The following DRC11 variants were observed in gnomAD, a reference collection of about 807,000 sequenced individuals.
DRC11 encodes the protein IQ and AAA domain-containing protein 1.
the DRC11 span, among the ~76,000 whole-genome samples, chr2:236,484,992 T>G: frequency 6.6e-6 from 1 of 152,316 alleles, no homozygotes; most frequent in South Asian, 2.1e-4. Context: ...CCTAATTCCA[T>G]GCATGCTCTC....
the DRC11 span, among the ~76,000 whole-genome samples, chr2:236,464,747 C>A: frequency 2.0e-4 from 30 of 152,016 alleles, no homozygotes; most frequent in Admixed American, 9.8e-4. Flanking sequence ...GGGGGTGGAT[C>A]CCTCATGGCC....
chr2:236,307,111 C>G, the DRC11 span, among the ~76,000 whole-genome samples: 1 of 152,268 alleles, frequency 6.6e-6, no homozygotes, highest in African/African-American at 2.4e-5. The surrounding 1 kb of genome is among the most constrained non-coding windows in gnomAD (Gnocchi z 7.0). Flanking sequence ...GTGAGTCCTT[C>G]TATACCGTGC....
the DRC11 span, among the ~76,000 whole-genome samples, chr2:236,313,199 T>C: frequency 1.2e-4 from 19 of 152,090 alleles, no homozygotes; most frequent in African/African-American, 3.4e-4. This position sits in a 1 kb window ranked among gnomAD's most constrained non-coding sequence, Gnocchi z 4.5. Flanking sequence ...AACAAAGATA[T>C]TACAAGAGAA....
At chr2:236,429,992 T>C in the DRC11 span, among the ~76,000 whole-genome samples, 2 of 151,990 alleles carry the variant, frequency 1.3e-5, no homozygotes, top group African/African-American at 4.8e-5. This position sits in a 1 kb window ranked among gnomAD's most constrained non-coding sequence, Gnocchi z 5.9. Context: ...AAGCTGCAGG[T>C]GGTTGTGTGG....
At chr2:236,456,477 G>C in the DRC11 span, among the ~76,000 whole-genome samples, 1 of 152,164 alleles carries the variant, frequency 6.6e-6, no homozygotes, top group Admixed American at 6.5e-5. The surrounding 1 kb of genome is among the most constrained non-coding windows in gnomAD (Gnocchi z 5.4). Flanking sequence ...ACTGAAAGTG[G>C]TGGCTGGTCT....
the DRC11 span, among the ~76,000 whole-genome samples, chr2:236,363,604 A>C: frequency 6.6e-6 from 1 of 152,164 alleles, no homozygotes; most frequent in Non-Finnish European, 1.5e-5. This position sits in a 1 kb window ranked among gnomAD's most constrained non-coding sequence, Gnocchi z 5.6. Flanking sequence ...GAAAGAAAAA[A>C]GTTGTTTCTA....
the DRC11 span, among the ~76,000 whole-genome samples, chr2:236,435,071 A>C: frequency 2.0e-5 from 3 of 152,196 alleles, no homozygotes; most frequent in African/African-American, 7.2e-5. Context: ...CTGATGGAGA[A>C]GTGAAGAAAG....
At chr2:236,358,005 T>G in the DRC11 span, among the ~76,000 whole-genome samples, 1 of 112,602 alleles carries the variant, frequency 8.9e-6, no homozygotes. Context: ...TGAATATATA[T>G]TTATAATATA....
At chr2:236,432,691 C>G in the DRC11 span, among the ~76,000 whole-genome samples, 1 of 152,112 alleles carries the variant, frequency 6.6e-6, no homozygotes, top group Admixed American at 6.6e-5. Context: ...ACAAATAATT[C>G]TCTCAGGGTG....
At chr2:236,401,693 C>T in the DRC11 span, among the ~76,000 whole-genome samples, 2 of 148,262 alleles carry the variant, frequency 1.3e-5, no homozygotes, top group African/African-American at 2.5e-5. The surrounding 1 kb of genome is among the most constrained non-coding windows in gnomAD (Gnocchi z 4.6). Flanking sequence ...TGTATGATCC[C>T]GTTTATATGA....
chr2:236,327,840 G>A, the DRC11 span, among the ~76,000 whole-genome samples: 5 of 151,802 alleles, frequency 3.3e-5, no homozygotes, highest in African/African-American at 7.3e-5. Flanking sequence ...GTGCCACCAC[G>A]TCCAGCTAAT....
the DRC11 span, among the ~76,000 whole-genome samples, chr2:236,402,605 C>T: frequency 9.2e-5 from 14 of 152,208 alleles, no homozygotes; most frequent in Admixed American, 8.5e-4. This position sits in a 1 kb window ranked among gnomAD's most constrained non-coding sequence, Gnocchi z 6.0. Context: ...GGGGGAGCTG[C>T]AGCCAGCGGG....
the DRC11 span, chr2:236,369,003 T>C: frequency 6.6e-6 from 1 of 152,256 alleles, no homozygotes; most frequent in Admixed American, 6.5e-5. The surrounding 1 kb of genome is among the most constrained non-coding windows in gnomAD (Gnocchi z 4.5). Flanking sequence ...GAAAATTAGT[T>C]TGGCTGTCTC....
the DRC11 span, among the ~76,000 whole-genome samples, chr2:236,402,360 C>T: frequency 0.22 from 34,166 of 152,208 alleles, 4,145 homozygotes; most frequent in Middle Eastern, 0.3. The surrounding 1 kb of genome is among the most constrained non-coding windows in gnomAD (Gnocchi z 6.0). Flanking sequence ...GAATCCACCA[C>T]GTCTTTTTTC....
At chr2:236,359,101 G>A in the DRC11 span, among the ~76,000 whole-genome samples, 10 of 152,098 alleles carry the variant, frequency 6.6e-5, no homozygotes, top group Admixed American at 1.3e-4. The surrounding 1 kb of genome is among the most constrained non-coding windows in gnomAD (Gnocchi z 4.3). Flanking sequence ...CAGGGAAGGA[G>A]GCTGGAGCAG....
At chr2:236,407,560 A>G in the DRC11 span, among the ~76,000 whole-genome samples, 68 of 152,292 alleles carry the variant, frequency 4.5e-4, no homozygotes, top group African/African-American at 1.5e-3. Flanking sequence ...TATAAATATA[A>G]AAGGGCACAG....
At chr2:236,388,985 G>A in the DRC11 span, among the ~76,000 whole-genome samples, 19 of 152,092 alleles carry the variant, frequency 1.2e-4, no homozygotes, top group African/African-American at 4.3e-4. Context: ...GGGGTCAGGG[G>A]TCAGGGACCC....
At chr2:236,377,773 C>A in the DRC11 span, among the ~76,000 whole-genome samples, 1 of 152,172 alleles carries the variant, frequency 6.6e-6, no homozygotes, top group Non-Finnish European at 1.5e-5. This position sits in a 1 kb window ranked among gnomAD's most constrained non-coding sequence, Gnocchi z 4.9. Flanking sequence ...AAAACCACTT[C>A]TCTAAAAGGA....
At chr2:236,356,750 A>T in the DRC11 span, among the ~76,000 whole-genome samples, 773 of 151,812 alleles carry the variant, frequency 5.1e-3, 5 homozygotes, top group African/African-American at 0.018. Context: ...CTGGTTTACT[A>T]TTATACAGAC....
Sources: allele counts gnomAD v4.1 joint callset (sites outside exome capture counted in the v4.1 genomes callset), GRCh38; gene constraint gnomAD v4.1.1; non-coding constraint Gnocchi (gnomAD v3.1); transcripts MANE v1.5; gene names NCBI Gene and HGNC (gene_info 2026-07-23, HGNC 2026-07-21).